The following LIPA variants were observed in gnomAD, a reference collection of about 807,000 sequenced individuals.
LIPA encodes the protein lysosomal acid lipase/cholesteryl ester hydrolase.
A neutral mutation model predicts 40.6 loss-of-function variants in LIPA; 26 were observed. The ratio of observed to expected loss-of-function variants is 0.64; its 90% CI spans 0.47 to 0.89. The LOEUF (loss-of-function observed/expected upper bound fraction) is 0.89. Among genes scored for constraint, LIPA ranks in the 40% least tolerant of loss-of-function variants. The pLI is 0.00. For synonymous variants in LIPA, 188 were observed against 168.4 expected (o/e 1.12, Z -0.90); for missense variants, 455 against 479.6 (o/e 0.95, Z 0.48).
chr10:89,403,259 T>A, intron 2 of LIPA: 1 of 1,614,196 alleles, frequency 6.2e-7, no homozygotes, highest in Non-Finnish European at 8.5e-7. Context: ...CCATATTTCA[T>A]TTTGAATCTG....
At chr10:89,249,525 G>A (rs1843083863) in intron 1 of LIPA, among the ~76,000 whole-genome samples, 1 of 152,040 alleles carries the variant, frequency 6.6e-6, no homozygotes, top group African/African-American at 2.4e-5. Context: ...ATGGATGATT[G>A]GATAAATTAT....
At chr10:89,252,705 C>T (rs562258506), upstream of LIPA, among the ~76,000 whole-genome samples, 1 of 150,616 alleles carries the variant, frequency 6.6e-6, no homozygotes, top group Admixed American at 6.6e-5. Context: ...CCTTGGGAGG[C>T]TGAGGCAGGA....
intron 1 of LIPA, among the ~76,000 whole-genome samples, chr10:89,278,882 A>G (rs1226279775): frequency 6.6e-6 from 1 of 151,592 alleles, no homozygotes; most frequent in Non-Finnish European, 1.5e-5. Flanking sequence ...AAGAATGTAC[A>G]TGGTCTAAAT....
chr10:89,333,090 T>C (rs1469969966), intron 1 of LIPA, among the ~76,000 whole-genome samples: 1 of 152,244 alleles, frequency 6.6e-6, no homozygotes, highest in Non-Finnish European at 1.5e-5. Context: ...AATTCCAATT[T>C]ATGTTGAGGT....
At chr10:89,306,053 G>A in intron 1 of LIPA, 1 of 1,614,142 alleles carries the variant, frequency 6.2e-7, no homozygotes, top group Non-Finnish European at 8.5e-7. Flanking sequence ...CTCCTTGGAT[G>A]ATTTTGAAGA....
At chr10:89,407,479 G>T (rs928698960) in intron 2 of LIPA, among the ~76,000 whole-genome samples, 1 of 152,104 alleles carries the variant, frequency 6.6e-6, no homozygotes, top group African/African-American at 2.4e-5. Flanking sequence ...CATCGTATGG[G>T]GGACTATCTG....
chr10:89,249,571 A>G (rs2133472926), intron 1 of LIPA, among the ~76,000 whole-genome samples: 1 of 152,332 alleles, frequency 6.6e-6, no homozygotes, highest in Non-Finnish European at 1.5e-5. Context: ...AAAGGGAAGG[A>G]ACACAAAAAA....
At chr10:89,354,105 G>T (rs1843976612) in intron 2 of LIPA, among the ~76,000 whole-genome samples, 1 of 152,110 alleles carries the variant, frequency 6.6e-6, no homozygotes, top group African/African-American at 2.4e-5. Flanking sequence ...CAAGAATTAA[G>T]GTTGCTGCAG....
intron 1 of LIPA, among the ~76,000 whole-genome samples, chr10:89,319,988 G>A (rs1189925166): frequency 6.6e-6 from 1 of 152,194 alleles, no homozygotes; most frequent in Non-Finnish European, 1.5e-5. Context: ...CTCAATAGAT[G>A]CAGAAAAGGC....
At chr10:89,240,867 G>C (rs1034400931) in intron 3 of LIPA, among the ~76,000 whole-genome samples, 1 of 152,158 alleles carries the variant, frequency 6.6e-6, no homozygotes, top group East Asian at 1.9e-4. Context: ...AGGGCTGCAG[G>C]AGCATGCTTG....
rs1043943602 is a variant in LIPA at position 89,354,094 on chromosome 10, G to A, written c.61+58697C>T. 3.3e-5 allele frequency among the ~76,000 whole-genome samples: 5 copies of A among 152,216 alleles called. No homozygotes were observed. The East Asian group carries it at 7.7e-4, about 23-fold the overall frequency. ...CAGTCGATTTCTTTCTTCTAAGGAG[G>A]CAAGAATTAAGGTTGCTGCAGAACT... On this transcript the variant is annotated intron_variant, in intron 2 of 8. Transcript: ENST00000371837.
chr10:89,350,327 G>A (rs191769918), intron 2 of LIPA, among the ~76,000 whole-genome samples: 1 of 97,720 alleles, frequency 1.0e-5, no homozygotes, highest in Admixed American at 1.2e-4. Flanking sequence ...TTTTTTTTAA[G>A]ACGGAGTCTT....
In LIPA at chr10:89,339,351, A is replaced by C. The variant is rs1426546874; in HGVS notation, c.-2+3260T>G. 4 of 1,613,566 alleles carry C rather than the reference A, an allele frequency of 2.5e-6. No individual in the cohort carries two copies. The African/African-American group carries it at 5.3e-5, about 22-fold the overall frequency. ...CTGAAGGAGAGCAGTTTGTTGAAGA[A>C]GCCTTGGAAAAGTCTCCTTGCCAAA... is the stretch of plus-strand genomic sequence containing the variant. On this transcript the variant is annotated intron_variant, in intron 1 of 5. Coordinates refer to the LIPA transcript ENST00000282673.
intron 2 of LIPA, among the ~76,000 whole-genome samples, chr10:89,409,092 C>A (rs934657525): frequency 6.6e-6 from 1 of 152,234 alleles, no homozygotes; most frequent in Non-Finnish European, 1.5e-5. Flanking sequence ...AGAAAATATG[C>A]TCCCCTGTCA....
At chr10:89,366,879 T>G (rs557493736) in intron 2 of LIPA, among the ~76,000 whole-genome samples, 38 of 152,302 alleles carry the variant, frequency 2.5e-4, no homozygotes, top group African/African-American at 9.1e-4. Flanking sequence ...TGCACACGTA[T>G]GTTTATTGCA....
At chr10:89,315,710 T>C (rs1336766219) in intron 1 of LIPA, among the ~76,000 whole-genome samples, 1 of 152,182 alleles carries the variant, frequency 6.6e-6, no homozygotes, top group Admixed American at 6.5e-5. Context: ...GTAAACTAAA[T>C]TATTATCCAG....
chr10:89,253,273 A>G (rs1031521943), upstream of LIPA, among the ~76,000 whole-genome samples: 6 of 152,220 alleles, frequency 3.9e-5, no homozygotes, highest in African/African-American at 4.8e-5. Context: ...TGGGTAATTT[A>G]TGAAGGAAAA....
chr10:89,414,534 G>C, exon 1 of LIPA: 1 of 439,092 alleles, frequency 2.3e-6, no homozygotes, highest in Admixed American at 4.5e-5. Context: ...TTCGGTTTCT[G>C]AAGCTTACGT....
chr10:89,311,248 C>T (rs761423068), intron 1 of LIPA, among the ~76,000 whole-genome samples: 7 of 152,008 alleles, frequency 4.6e-5, no homozygotes, highest in Non-Finnish European at 8.8e-5. Flanking sequence ...CCTGGCTGGG[C>T]GTGGTGGCTC....
Sources: gnomAD v4.1 joint callset for allele counts (sites outside exome capture counted in the v4.1 genomes callset) on GRCh38, gnomAD v4.1.1 for gene constraint, MANE v1.5 for transcripts, NCBI Gene and HGNC (gene_info 2026-07-23, HGNC 2026-07-21) for gene names.